The following FAM221B variants were observed in gnomAD, a reference collection of about 807,000 sequenced individuals.
The protein encoded by FAM221B is family with sequence similarity 221 member B, also known as protein FAM221B.
FAM221B carries 35 observed loss-of-function variants against 39.8 expected under a neutral mutation model. The observed-to-expected ratio is 0.88, with a 90% CI of 0.67 to 1.17. FAM221B has a LOEUF of 1.17. Among genes scored for constraint, FAM221B ranks in the 50% most tolerant of loss-of-function variants. FAM221B has a pLI of 0.00. For missense variants in FAM221B, 479 were observed against 503.1 expected (o/e 0.95, Z 0.46); for synonymous variants, 158 against 178.1 (o/e 0.89, Z 0.90).
Position 35,819,923 on chromosome 9 carries a change from C to G in FAM221B, c.820G>C (p.Gly274Arg), listed in dbSNP as rs745707433. 6.2e-7 allele frequency: 1 copy of G among 1,609,168 alleles called. No individual in the cohort carries two copies. The highest frequency in any genetic ancestry group is 1.1e-5 in the South Asian group (1 of 90,992). ...RIGDESRCFC[G>R]HLLREHRIIS... ...ATCCGGTGCTCTCTCAACAAGTGTC[C>G]ACAAAAGCATCTGGACTCATCCCCA... Residue 274 changes from glycine (G) to arginine (R), a missense_variant, in exon 4 of 7, where the codon GGA (glycine) becomes CGA (arginine). Gly to Arg is a moderately radical substitution (Grantham distance 125, BLOSUM62 -2). Coordinates refer to ENST00000423537, the MANE Select transcript of FAM221B (RefSeq NM_001012446.4).
intron 3 of FAM221B, among the ~76,000 whole-genome samples, chr9:35,824,590 T>A (rs971339467): frequency 2.0e-5 from 3 of 152,006 alleles, no homozygotes; most frequent in Non-Finnish European, 4.4e-5. Context: ...TCCAGGGTCC[T>A]GGGCCATCTC....
At position 35,818,890 on chromosome 9, in the gene FAM221B, C is replaced by T. The variant is rs772944248; in HGVS notation, c.1171G>A (p.Gly391Arg). 9.0e-6 allele frequency: 14 copies of T among 1,551,652 alleles called. No homozygotes were observed. Among genetic ancestry groups the T allele is most frequent in the Admixed American group, 2.0e-5 (1 of 50,978 alleles). The change falls in exon 6 of 7, where the codon GGG becomes AGG. Residue 391 changes from glycine to arginine, a missense_variant and splice_region_variant. Physicochemically the swap from Gly to Arg is moderately radical, Grantham distance 125. Transcript: ENST00000423537. ...KTRQRGGRPR[G>R]TDTVSNWHRP... ...CCCCTGTCCCAGGTTTCTGCCTCACCGCGAGGCCTTCCTCCTCGTTGCCGG... is the reference window on the plus strand; with the variant it reads ...CCCCTGTCCCAGGTTTCTGCCTCACTGCGAGGCCTTCCTCCTCGTTGCCGG...
Position 35,819,963 on chromosome 9 carries a change from C to T in FAM221B, c.780G>A (p.Trp260Ter), listed in dbSNP as rs1160556904. 3.7e-6 allele frequency: 6 copies of T among 1,613,902 alleles called. No homozygotes were observed. The highest frequency in any genetic ancestry group is 4.2e-6 in the Non-Finnish European group (5 of 1,179,986). ...YIGWRCPHYL[W>*]DCFRIGDESR... is the part of the protein sequence containing the mutation. ...ACTCATCCCCAATCCGGAAACAGTC[C>T]CATAGGTAATGGGGGCAGCGCCAGC... The change falls in exon 4 of 7, where the codon TGG becomes TGA. Residue 260 changes from tryptophan (W) to a stop codon, truncating the protein, a stop_gained. Transcript: ENST00000423537. LOFTEE classifies it high-confidence loss of function.
intron 1 of FAM221B, among the ~76,000 whole-genome samples, chr9:35,827,868 G>C (rs1442986058): frequency 6.6e-6 from 1 of 152,184 alleles, no homozygotes; most frequent in Non-Finnish European, 1.5e-5. Context: ...TAGGATTACA[G>C]GGAGGAAGAT....
rs967779499 is a variant in FAM221B, at chr9:35,816,873, T to C, written c.*1596A>G. 6.6e-6 allele frequency: 1 copy of C among 152,164 alleles called. No homozygotes were observed. The highest frequency in any genetic ancestry group is 2.4e-5 in the African/African-American group (1 of 41,424). The allele number at this position is 152,164 out of a possible 1,614,324, so 9.4% of individuals were successfully genotyped here. A position where few individuals can be genotyped will look rare whatever the true frequency, so the allele number is the denominator to read the frequency against. On this transcript the variant is annotated 3_prime_UTR_variant, in exon 7 of 7. Transcript: ENST00000423537. Reference sequence around the variant, plus strand: ...CCCCTAATTGTGAGGAAATGTAGAATGGCCTCTTCTCTGGGCCCCAGAGGC... The same window carrying C: ...CCCCTAATTGTGAGGAAATGTAGAACGGCCTCTTCTCTGGGCCCCAGAGGC...
intron 3 of FAM221B, among the ~76,000 whole-genome samples, chr9:35,823,966 A>C (rs968251034): frequency 2.0e-5 from 3 of 151,898 alleles, no homozygotes; most frequent in African/African-American, 7.2e-5. Flanking sequence ...TGCCAGCCAG[A>C]ATTTGCAAGA....
Position 35,818,346 on chromosome 9 carries a change from G to A in FAM221B, c.*123C>T, listed in dbSNP as rs1205334528. ...GATGGCCAGATCCAGGCTTTCTCCT[G>A]TGTCTAATAGGTGTCAACTCTAAGT... On this transcript the variant is annotated 3_prime_UTR_variant, in exon 7 of 7. Transcript: ENST00000423537. 4.5e-6 allele frequency: 4 copies of A among 883,250 alleles called. No homozygotes were observed. Among genetic ancestry groups the A allele is most frequent in the Non-Finnish European group, 7.2e-6 (4 of 551,866 alleles). 54.7% of individuals were successfully genotyped at this position (883,250 alleles called of 1,614,324 possible).
At chr9:35,818,613 C>G (rs558625509) in intron 6 of FAM221B, 107 bp from the exon 7 acceptor site, 14 of 1,204,512 alleles carry the variant, frequency 1.2e-5, no homozygotes, top group African/African-American at 3.0e-5. Context: ...AGGGTGGGAG[C>G]TGGGAAGGCC....
intron 3 of FAM221B, among the ~76,000 whole-genome samples, chr9:35,824,353 A>T (rs2132148407): frequency 6.6e-6 from 1 of 152,342 alleles, no homozygotes; most frequent in Middle Eastern, 3.4e-3. Context: ...TTGCAAGTTC[A>T]TCTGTACGCA....
At chr9:35,821,874 T>G (rs1436668830) in intron 3 of FAM221B, among the ~76,000 whole-genome samples, 1 of 152,162 alleles carries the variant, frequency 6.6e-6, no homozygotes, top group Admixed American at 6.5e-5. Flanking sequence ...CCCTCTACTC[T>G]CTGTCCTGAT....
At chr9:35,827,471 AT>A (rs1404636824) in intron 1 of FAM221B, among the ~76,000 whole-genome samples, 1 of 152,226 alleles carries the variant, frequency 6.6e-6, no homozygotes, top group Non-Finnish European at 1.5e-5. Flanking sequence ...AGAGAGACCG[AT>A]TAACCAACAA....
At chr9:35,821,798 T>C (rs1246764317) in intron 3 of FAM221B, among the ~76,000 whole-genome samples, 1 of 152,194 alleles carries the variant, frequency 6.6e-6, no homozygotes, top group East Asian at 1.9e-4. Flanking sequence ...ATACTTCAGA[T>C]TCTGTTACAA....
intron 1 of FAM221B, among the ~76,000 whole-genome samples, chr9:35,827,383 C>T (rs1829410080): frequency 6.6e-6 from 1 of 152,154 alleles, no homozygotes; most frequent in African/African-American, 2.4e-5. Flanking sequence ...ATTTATGTAA[C>T]TTATACTTTT....
intron 6 of FAM221B, among the ~76,000 whole-genome samples, 190 bp downstream of exon 6, chr9:35,818,700 A>G (rs1175066672): frequency 6.6e-6 from 1 of 152,196 alleles, no homozygotes; most frequent in Non-Finnish European, 1.5e-5. Flanking sequence ...CATCTCTGCA[A>G]AAGGTACATA....
intron 4 of FAM221B, 91 bp from the exon 5 acceptor site, chr9:35,819,485 C>T: frequency 8.5e-7 from 1 of 1,170,866 alleles, no homozygotes; most frequent in Non-Finnish European, 1.2e-6. Context: ...ACCCCCTATG[C>T]ACGCAGACAT....
At position 35,826,013 on chromosome 9, in the gene FAM221B, T is replaced by C. The variant is rs776675615; in HGVS notation, c.149A>G (p.Glu50Gly). ...CAAAGGGGATTCAGAGGTATGGGGC[T>C]CTAACGGGGTCTCAGAGGTGGAAGG... Reference protein sequence around the residue: ...LKPSTSETPLEPHTSESPLVP... With the variant: ...LKPSTSETPLGPHTSESPLVP... The change falls in exon 2 of 7, where the codon GAG becomes GGG. Residue 50 changes from glutamate to glycine, a missense_variant. By Grantham distance (98) the Glu-to-Gly change is moderately conservative. Coordinates refer to ENST00000423537, the MANE Select transcript of FAM221B (RefSeq NM_001012446.4). 3.1e-6 allele frequency: 5 copies of C among 1,614,004 alleles called. No homozygotes were observed. In the South Asian group the frequency reaches 4.4e-5, roughly 14 times the overall value.
chr9:35,818,294 A>T lies in FAM221B; in HGVS notation c.*175T>A, dbSNP rs1356647817. On this transcript the variant is annotated 3_prime_UTR_variant, in exon 7 of 7. Coordinates refer to ENST00000423537, the MANE Select transcript of FAM221B (RefSeq NM_001012446.4). ...TTGAAGCCACTTTCCTTCAACAGGC[A>T]GCTTGAATGTGAGTGTGATGGAGGC... The T allele has an allele frequency of 4.9e-6, 3 of 616,560 alleles. No homozygotes were observed. The East Asian group carries it at 8.4e-5, about 17-fold the overall frequency. The allele number at this position is 616,560 out of a possible 1,614,324, so 38.2% of individuals were successfully genotyped here. A position where few individuals can be genotyped will look rare whatever the true frequency, so the allele number is the denominator to read the frequency against.
chr9:35,826,069 C>T lies in FAM221B; in HGVS notation c.93G>A (p.Gln31=), dbSNP rs1269546191. 1 of 1,614,082 alleles carries T rather than the reference C, an allele frequency of 6.2e-7. No homozygotes were observed. Among genetic ancestry groups the T allele is most frequent in the South Asian group, 1.1e-5 (1 of 91,082 alleles). Residue 31 remains glutamine, a synonymous_variant, in exon 2 of 7, where the codon CAG becomes CAA. Coordinates refer to ENST00000423537, the MANE Select transcript of FAM221B (RefSeq NM_001012446.4). ...AGAAGCTTTCAGAGATATGGTTCTC[C>T]TGTAAGTCCTCAGCAGAGGGGTCCT... ...PSKDPSAEDL[Q]ENHISESFLK...
At chr9:35,826,335 T>G (rs1175048453) in intron 1 of FAM221B, among the ~76,000 whole-genome samples, 174 bp from the exon 2 acceptor site, 1 of 152,102 alleles carries the variant, frequency 6.6e-6, no homozygotes, top group Non-Finnish European at 1.5e-5. Flanking sequence ...TGCCAAAAGG[T>G]TCACCCATGT....
Sources: allele counts gnomAD v4.1 joint callset (sites outside exome capture counted in the v4.1 genomes callset), GRCh38; gene constraint gnomAD v4.1.1; transcripts MANE v1.5; gene names NCBI Gene and HGNC (gene_info 2026-07-23, HGNC 2026-07-21).